Variants in PCDH9 observed in about 807,000 individuals in gnomAD.
The protein encoded by PCDH9 is protocadherin-9.
Under a neutral mutation model 70.6 loss-of-function variants are expected in PCDH9, and 24 were observed. The observed-to-expected ratio is 0.34, with a 90% CI of 0.25 to 0.48. PCDH9 has a LOEUF of 0.48. Among genes scored for constraint, PCDH9 ranks in the 20% least tolerant of loss-of-function variants. The pLI is 0.99. For missense variants in PCDH9, 1,281 were observed against 1,503.6 expected (o/e 0.85, Z 2.45); for synonymous variants, 562 against 558.5 (o/e 1.01, Z -0.09).
At chr13:66,645,623 T>C (rs2077761178) in intron 3 of PCDH9, among the ~76,000 whole-genome samples, 2 of 152,122 alleles carry the variant, frequency 1.3e-5, no homozygotes, top group African/African-American at 4.8e-5. Flanking sequence ...GATACACTTG[T>C]AAATGTGGAG....
chr13:66,678,630 T>A (rs2139054025), intron 3 of PCDH9, among the ~76,000 whole-genome samples: 1 of 152,168 alleles, frequency 6.6e-6, no homozygotes, highest in South Asian at 2.1e-4. Flanking sequence ...GTTCTAAACA[T>A]GTCTTACATG....
At chr13:66,714,235 G>A (rs1213879560) in intron 3 of PCDH9, among the ~76,000 whole-genome samples, 3 of 152,088 alleles carry the variant, frequency 2.0e-5, no homozygotes, top group African/African-American at 4.8e-5. Context: ...GGAGGCTGAG[G>A]TGGGTGGATC....
intron 4 of PCDH9, among the ~76,000 whole-genome samples, chr13:66,593,046 G>A (rs896019799): frequency 4.6e-5 from 7 of 151,704 alleles, no homozygotes; most frequent in Admixed American, 6.6e-5. Flanking sequence ...GATACAATCT[G>A]AAGAATATGG....
rs1177361664 is a variant in PCDH9 at position 66,918,714 on chromosome 13, C to G, written c.3037-15109G>C. ...TTATGATAAGGTTACTAAGTACTCC[C>G]CACATATCAAATGCATTTAAATCTA... On this transcript the variant is annotated intron_variant, in intron 2 of 4. Coordinates refer to ENST00000377865, the MANE Select transcript of PCDH9 (RefSeq NM_203487.3). Among the ~76,000 whole-genome samples the G allele has an allele frequency of 8.6e-5, 13 of 151,072 alleles. No homozygotes were observed. The Admixed American group carries it at 8.6e-4, about 10-fold the overall frequency.
At chr13:66,879,605 G>A (rs2081886369) in intron 3 of PCDH9, among the ~76,000 whole-genome samples, 1 of 152,082 alleles carries the variant, frequency 6.6e-6, no homozygotes, top group African/African-American at 2.4e-5. Context: ...GATTAATTAT[G>A]TATAAATAGC....
intron 3 of PCDH9, among the ~76,000 whole-genome samples, chr13:66,886,389 A>T (rs1347201482): frequency 1.3e-5 from 2 of 152,130 alleles, no homozygotes; most frequent in African/African-American, 4.8e-5. Context: ...TGTGAGCATG[A>T]GTCTAGGCTA....
chr13:66,426,199 T>C (rs1044863910), intron 4 of PCDH9, among the ~76,000 whole-genome samples: 1 of 151,326 alleles, frequency 6.6e-6, no homozygotes, highest in African/African-American at 2.4e-5. Context: ...TTTTTCTCTC[T>C]ATTGAACTCA....
chr13:66,844,184 C>A (rs910805771), intron 3 of PCDH9, among the ~76,000 whole-genome samples: 1 of 151,938 alleles, frequency 6.6e-6, no homozygotes, highest in African/African-American at 2.4e-5. Flanking sequence ...TTTCCAAATT[C>A]TTCATATTCA....
At chr13:66,788,682 CCAAGTCAGTA>C (rs202134511) in intron 3 of PCDH9, among the ~76,000 whole-genome samples, 2,427 of 129,178 alleles carry the variant, frequency 0.019, 33 homozygotes, top group Non-Finnish European at 0.029. Context: ...TTGCTGGGCT[CCAAGTCAGTA>C]TCTTAAAGGC....
intron 4 of PCDH9, among the ~76,000 whole-genome samples, chr13:66,371,384 T>G (rs146187592): frequency 6.6e-6 from 1 of 152,088 alleles, no homozygotes; most frequent in African/African-American, 2.4e-5. Context: ...CAAAGAAAGA[T>G]ATAATTTATA....
At chr13:67,225,313 T>C (rs575082273) in intron 2 of PCDH9, 92 bp downstream of exon 2, 3 of 1,417,750 alleles carry the variant, frequency 2.1e-6, no homozygotes, top group East Asian at 2.3e-5. Flanking sequence ...AAGCTAAAGT[T>C]AGACCAAAAC....
At position 67,229,471 on chromosome 13, in the gene PCDH9, C is replaced by T. The variant is rs2089959841; in HGVS notation, c.-136+309G>A. On this transcript the variant is annotated intron_variant, in intron 1 of 4. Coordinates refer to ENST00000377865, the MANE Select transcript of PCDH9 (RefSeq NM_203487.3). ...TAACATTTGCCACACATAAATACTG[C>T]AACCCAATCATGCAGGTAAAAAGGC... Among the ~76,000 whole-genome samples, 4 of 152,192 alleles carry T rather than the reference C, an allele frequency of 2.6e-5. No homozygotes were observed. In the South Asian group the frequency reaches 8.3e-4, roughly 32 times the overall value.
At chr13:66,379,093 TAACA>T (rs1184635643) in intron 4 of PCDH9, among the ~76,000 whole-genome samples, 1 of 152,184 alleles carries the variant, frequency 6.6e-6, no homozygotes, top group African/African-American at 2.4e-5. Context: ...CTACTTCGCT[TAACA>T]CTAGCAGATG....
At chr13:67,229,309 C>T (rs1468420025) in intron 1 of PCDH9, among the ~76,000 whole-genome samples, 1 of 152,166 alleles carries the variant, frequency 6.6e-6, no homozygotes, top group Non-Finnish European at 1.5e-5. Context: ...GATTCATTTT[C>T]CTAGAGGTGG....
At chr13:67,195,365 G>C (rs2089034397) in intron 2 of PCDH9, among the ~76,000 whole-genome samples, 1 of 151,964 alleles carries the variant, frequency 6.6e-6, no homozygotes, top group South Asian at 2.1e-4. Flanking sequence ...GGATGGTCTC[G>C]ATCTCCTGAC....
At chr13:66,692,858 A>T (rs1472529950) in intron 3 of PCDH9, among the ~76,000 whole-genome samples, 1 of 152,088 alleles carries the variant, frequency 6.6e-6, no homozygotes, top group East Asian at 1.9e-4. Context: ...TAATAACATG[A>T]CACTGTACAC....
At chr13:66,777,209 C>T in intron 3 of PCDH9, among the ~76,000 whole-genome samples, 1 of 151,970 alleles carries the variant, frequency 6.6e-6, no homozygotes, top group Non-Finnish European at 1.5e-5. Context: ...CCATTCAGGA[C>T]ACAGGCATGG....
intron 2 of PCDH9, among the ~76,000 whole-genome samples, chr13:66,961,727 T>C (rs1346457849): frequency 1.3e-5 from 2 of 152,188 alleles, no homozygotes; most frequent in Admixed American, 6.5e-5. Context: ...AAAAATCACA[T>C]TAATTTTTAT....
At chr13:66,409,364 C>T (rs1409069548) in intron 4 of PCDH9, among the ~76,000 whole-genome samples, 3 of 152,106 alleles carry the variant, frequency 2.0e-5, no homozygotes, top group South Asian at 2.1e-4. Flanking sequence ...ATCATATTTA[C>T]ATATTTACTT....
Sources: allele counts gnomAD v4.1 joint callset (sites outside exome capture counted in the v4.1 genomes callset), GRCh38; gene constraint gnomAD v4.1.1; transcripts MANE v1.5; gene names NCBI Gene and HGNC (gene_info 2026-07-23, HGNC 2026-07-21).